Variants in CD96 observed in about 807,000 individuals in gnomAD.
CD96 encodes the protein CD96 molecule, also known as T-cell surface protein tactile.
A neutral mutation model predicts 71.3 loss-of-function variants in CD96; 70 were observed. The ratio of observed to expected loss-of-function variants is 0.98; its 90% CI spans 0.81 to 1.20. The LOEUF (loss-of-function observed/expected upper bound fraction) is 1.20, where lower values mean the gene tolerates loss of function less well. CD96 is among the 50% of genes most tolerant of loss of function. CD96 has a pLI of 0.00. For missense variants in CD96, 742 were observed against 677.5 expected (o/e 1.10, Z -1.06); for synonymous variants, 248 against 233.0 (o/e 1.06, Z -0.59).
chr3:111,628,241 G>T (rs1938875917), intron 10 of CD96, among the ~76,000 whole-genome samples: 2 of 152,126 alleles, frequency 1.3e-5, no homozygotes, highest in African/African-American at 4.8e-5. Context: ...TGAGCTAAAG[G>T]AGCACATTGT....
chr3:111,630,041 A>G (rs532688448), intron 10 of CD96, among the ~76,000 whole-genome samples: 1 of 152,342 alleles, frequency 6.6e-6, no homozygotes, highest in Non-Finnish European at 1.5e-5. Context: ...ATAGCACTAA[A>G]TGCTCACATC....
chr3:111,566,228 A>G (rs1171035727), intron 2 of CD96, among the ~76,000 whole-genome samples: 1 of 151,852 alleles, frequency 6.6e-6, no homozygotes, highest in Non-Finnish European at 1.5e-5. Flanking sequence ...TTCATACTCA[A>G]TGATCCATTA....
intron 7 of CD96, 45 bp from the exon 8 acceptor site, chr3:111,606,655 A>T (rs749679978): frequency 1.1e-6 from 1 of 938,884 alleles, no homozygotes; most frequent in East Asian, 2.4e-5. Flanking sequence ...TTATCTTTTG[A>T]TTACAATATT....
At chr3:111,619,617 T>A (rs1033327044) in intron 8 of CD96, among the ~76,000 whole-genome samples, 1 of 152,268 alleles carries the variant, frequency 6.6e-6, no homozygotes, top group East Asian at 1.9e-4. Context: ...GATTTTGCTA[T>A]GTTGTGAAAT....
chr3:111,612,718 A>C, intron 8 of CD96: 1 of 186,016 alleles, frequency 5.4e-6, no homozygotes, highest in Non-Finnish European at 1.0e-5. Context: ...TGCTGAATAA[A>C]TGTCTTTAGA....
At chr3:111,653,719 C>T (rs1940160856), downstream of CD96, among the ~76,000 whole-genome samples, 1 of 152,106 alleles carries the variant, frequency 6.6e-6, no homozygotes, top group Non-Finnish European at 1.5e-5. Flanking sequence ...TTGGTATCTC[C>T]TTTTACTATA....
chr3:111,631,176 C>T (rs1195949868), intron 10 of CD96, among the ~76,000 whole-genome samples: 2 of 152,178 alleles, frequency 1.3e-5, no homozygotes, highest in East Asian at 3.9e-4. Context: ...AAATAAAGCA[C>T]ATTTAAATAG....
intron 2 of CD96, among the ~76,000 whole-genome samples, chr3:111,562,064 G>C (rs980069294): frequency 6.6e-6 from 1 of 152,192 alleles, no homozygotes; most frequent in African/African-American, 2.4e-5. Context: ...GCCCTGCTTC[G>C]GCTCCCGCAC....
chr3:111,589,391 GC>G (rs1936869363), intron 5 of CD96, among the ~76,000 whole-genome samples: 1 of 152,134 alleles, frequency 6.6e-6, no homozygotes, highest in Non-Finnish European at 1.5e-5. Flanking sequence ...TACCTAATGT[GC>G]CATAAAATTT....
intron 14 of CD96, among the ~76,000 whole-genome samples, chr3:111,665,305 G>A (rs1940456397): frequency 6.6e-6 from 1 of 152,082 alleles, no homozygotes; most frequent in Non-Finnish European, 1.5e-5. Context: ...AGACCCTAAT[G>A]AAAGATTCTT....
chr3:111,580,888 A>G (rs771526299), intron 4 of CD96, among the ~76,000 whole-genome samples: 3 of 152,198 alleles, frequency 2.0e-5, no homozygotes, highest in Non-Finnish European at 4.4e-5. Context: ...CATCTGGTCT[A>G]TTGTCAAACC....
intron 8 of CD96, among the ~76,000 whole-genome samples, chr3:111,614,450 C>T (rs1938122392): frequency 6.6e-6 from 1 of 152,164 alleles, no homozygotes; most frequent in Non-Finnish European, 1.5e-5. Context: ...CTTCATGGGG[C>T]ACTCTGGCAG....
At position 111,579,098 on chromosome 3, in the gene CD96, TAG is replaced by T. The variant is rs747380947; in HGVS notation, c.618_619del (p.Arg206SerfsTer19). The T allele has an allele frequency of 6.2e-7, 1 of 1,606,434 alleles. No homozygotes were observed. The highest frequency in any genetic ancestry group is 1.7e-4 in the Middle Eastern group (1 of 6,042). On this transcript the variant is annotated frameshift_variant, in exon 4 of 14. Transcript: ENST00000352690. LOFTEE classifies it high-confidence loss of function. ...TCAGCAATTCCACATTACTTAAAGA[TAG>T]AGTCAAGCTTGGTACAGACTACAGA... Reference protein sequence around the residue: ...LISNSTLLKDRVKLGTDYRLH... With the variant: ...LISNSTLLKDXVKLGTDYRLH...
intron 7 of CD96, among the ~76,000 whole-genome samples, chr3:111,605,676 C>T (rs934645232): frequency 2.0e-5 from 3 of 152,164 alleles, no homozygotes; most frequent in Non-Finnish European, 4.4e-5. Context: ...CCCACAGCCA[C>T]TGGCAATAGC....
At chr3:111,593,384 G>T in intron 5 of CD96, 2 of 793,622 alleles carry the variant, frequency 2.5e-6, no homozygotes, top group African/African-American at 1.7e-5. Context: ...ATAAGCATTT[G>T]GTCAATTCAG....
chr3:111,573,390 G>T (rs182376120), intron 3 of CD96, among the ~76,000 whole-genome samples: 1 of 152,174 alleles, frequency 6.6e-6, no homozygotes, highest in Admixed American at 6.5e-5. Flanking sequence ...TAATAAAAAT[G>T]TTAAAAACGG....
chr3:111,546,901 C>CACACACACAT (rs1287552139), intron 2 of CD96, among the ~76,000 whole-genome samples: 3 of 139,438 alleles, frequency 2.2e-5, no homozygotes, highest in Non-Finnish European at 4.6e-5. Flanking sequence ...ACACCACACA[C>CACACACACAT]ACACACACAC....
At chr3:111,594,167 G>T (rs374514203) in intron 5 of CD96, 1 of 1,607,680 alleles carries the variant, frequency 6.2e-7, no homozygotes, top group Non-Finnish European at 8.5e-7. Flanking sequence ...CTTCATCATT[G>T]TTCCCTCCTC....
Position 111,611,164 on chromosome 3 carries a change from T to C in CD96, c.1180+4372T>C, listed in dbSNP as rs140481808. 3.2e-3 allele frequency among the ~76,000 whole-genome samples: 482 copies of C among 152,278 alleles called. 1 individual carries two copies. Among genetic ancestry groups the C allele is most frequent in the African/African-American group, 0.011 (463 of 41,538 alleles). ...AAGCCCTTTCTAAGGACTTAGCTGGTCCTCACTATCTGGGTCTTTCTATTC... is the reference window on the plus strand; with the variant it reads ...AAGCCCTTTCTAAGGACTTAGCTGGCCCTCACTATCTGGGTCTTTCTATTC... On this transcript the variant is annotated intron_variant, in intron 8 of 13. Transcript: ENST00000352690.
Sources: gnomAD v4.1 joint callset for allele counts (sites outside exome capture counted in the v4.1 genomes callset) on GRCh38, gnomAD v4.1.1 for gene constraint, MANE v1.5 for transcripts, NCBI Gene and HGNC (gene_info 2026-07-23, HGNC 2026-07-21) for gene names.